The following SP6 variants were observed in gnomAD, a reference collection of about 807,000 sequenced individuals.
SP6 encodes Sp6 transcription factor, also known as transcription factor Sp6.
SP6 carries 10 observed loss-of-function variants against 23.4 expected under a neutral mutation model. The ratio of observed to expected loss-of-function variants is 0.43; its 90% confidence interval spans 0.26 to 0.72. The LOEUF (loss-of-function observed/expected upper bound fraction) is 0.72. Among genes scored for constraint, SP6 ranks in the 30% least tolerant of loss-of-function variants. SP6 has a pLI of 0.23. For synonymous variants in SP6, 238 were observed against 238.7 expected, an observed-to-expected ratio of 1.00 and a Z score of 0.03; for missense variants, 482 against 523.8, an observed-to-expected ratio of 0.92 and a Z score of 0.78.
chr17:47,847,203 T>G lies in SP6; in HGVS notation c.*96A>C. 1 of 1,269,264 alleles carries G rather than the reference T, an allele frequency of 7.9e-7. No individual in the cohort carries two copies. Among genetic ancestry groups the G allele is most frequent in the Non-Finnish European group, 1.1e-6 (1 of 945,632 alleles). 78.6% of individuals were successfully genotyped at this position (1,269,264 alleles called of 1,614,324 possible). On this transcript the variant is annotated 3_prime_UTR_variant, in exon 2 of 2. Transcript: ENST00000536300. ...CCTCCTCCCTGAATAAATACGCACCTTCCCCTCTTCCTCAAGCCACCCCCA... is the reference window on the plus strand; with the variant it reads ...CCTCCTCCCTGAATAAATACGCACCGTCCCCTCTTCCTCAAGCCACCCCCA...
chr17:47,869,285 AC>A, the SP6 span, among the ~76,000 whole-genome samples: 1 of 152,094 alleles, frequency 6.6e-6, no homozygotes, highest in Non-Finnish European at 1.5e-5. Context: ...CATCTAATTA[AC>A]CCCGCCCAGG....
the SP6 span, among the ~76,000 whole-genome samples, chr17:47,869,416 A>G: frequency 6.6e-6 from 1 of 152,140 alleles, no homozygotes; most frequent in African/African-American, 2.4e-5. Context: ...GGATCTGGGG[A>G]GTCTGGAGGT....
chr17:47,865,446 G>A, the SP6 span, among the ~76,000 whole-genome samples: 1 of 152,118 alleles, frequency 6.6e-6, no homozygotes, highest in South Asian at 2.1e-4. Flanking sequence ...AGGACCGAAA[G>A]AGCCTCTGAG....
chr17:47,861,350 C>T, the SP6 span, among the ~76,000 whole-genome samples: 1 of 152,216 alleles, frequency 6.6e-6, no homozygotes, highest in Admixed American at 6.5e-5. Context: ...ATAGTGGACA[C>T]ATTCACTTGG....
At chr17:47,853,605 T>A (rs1006528178), upstream of SP6, among the ~76,000 whole-genome samples, 14 of 152,184 alleles carry the variant, frequency 9.2e-5, no homozygotes, top group African/African-American at 2.4e-4. Flanking sequence ...CCTGGCCCCT[T>A]CTGCCTTTTC....
Position 47,848,495 on chromosome 17 carries a change from G to A in SP6, c.-57-9C>T. The A allele has an allele frequency of 7.2e-7, 1 of 1,396,044 alleles. No homozygotes were observed. The highest frequency in any genetic ancestry group is 9.5e-7 in the Non-Finnish European group (1 of 1,052,432). 86.5% of individuals were successfully genotyped at this position (1,396,044 alleles called of 1,614,324 possible). On this transcript the variant is annotated splice_polypyrimidine_tract_variant and intron_variant, in intron 1 of 1. Coordinates refer to ENST00000536300, the MANE Select transcript of SP6 (RefSeq NM_001258248.2). This position sits in a 1 kb window ranked among gnomAD's most constrained non-coding sequence, Gnocchi z 5.3. Reference sequence around the variant, plus strand: ...GGCACCTCAGACGGGACCTAAAGGAGGCGAAGAAGCAGAAAAGTAAGGGAA... The same window carrying A: ...GGCACCTCAGACGGGACCTAAAGGAAGCGAAGAAGCAGAAAAGTAAGGGAA...
At chr17:47,870,662 C>T in the SP6 span, among the ~76,000 whole-genome samples, 1 of 152,234 alleles carries the variant, frequency 6.6e-6, no homozygotes, top group Non-Finnish European at 1.5e-5. Flanking sequence ...AACTTCACCA[C>T]CCAAGCATGA....
chr17:47,871,613 GTT>G, the SP6 span, among the ~76,000 whole-genome samples: 1 of 149,250 alleles, frequency 6.7e-6, no homozygotes, highest in Non-Finnish European at 1.5e-5. Flanking sequence ...CTCTGTTTCT[GTT>G]TCTTTCTTTT....
At chr17:47,863,683 C>G in the SP6 span, among the ~76,000 whole-genome samples, 3 of 151,240 alleles carry the variant, frequency 2.0e-5, no homozygotes, top group Admixed American at 6.6e-5. Context: ...ATTCTCTTGC[C>G]TCAGCCTCCC....
At chr17:47,866,358 G>T in the SP6 span, among the ~76,000 whole-genome samples, 1 of 152,158 alleles carries the variant, frequency 6.6e-6, no homozygotes, top group Non-Finnish European at 1.5e-5. Flanking sequence ...TGTGAGGAGG[G>T]GTATGGAGTA....
the SP6 span, among the ~76,000 whole-genome samples, chr17:47,861,124 T>C: frequency 6.6e-6 from 1 of 152,190 alleles, no homozygotes; most frequent in East Asian, 1.9e-4. Context: ...CTCCCCTTTT[T>C]AATTTGCTTC....
At chr17:47,860,685 A>G (rs72833458), upstream of SP6, among the ~76,000 whole-genome samples, 40,273 of 149,380 alleles carry the variant, frequency 0.27, 5,835 homozygotes, top group Non-Finnish European at 0.31. Flanking sequence ...GCAACATAGT[A>G]AGACTCCGAC....
chr17:47,847,141 C>T lies in SP6; in HGVS notation c.*158G>A, dbSNP rs1239679513. 5 of 756,254 alleles carry T rather than the reference C, an allele frequency of 6.6e-6. No individual in the cohort carries two copies. The Admixed American group carries it at 8.9e-5, about 13-fold the overall frequency. 46.8% of individuals were successfully genotyped at this position (756,254 alleles called of 1,614,324 possible). A position where few individuals can be genotyped will look rare whatever the true frequency, so the allele number is the denominator to read the frequency against. On this transcript the variant is annotated 3_prime_UTR_variant, in exon 2 of 2. Transcript: ENST00000536300. ...CCTAGTAGCCCCAGAGACTAAGAAC[C>T]CCTAGCGCCCCATCTCCCTGTCCCT...
upstream of SP6, among the ~76,000 whole-genome samples, chr17:47,854,778 C>T (rs60224300): frequency 0.026 from 4,012 of 152,206 alleles, 164 homozygotes; most frequent in African/African-American, 0.092. Flanking sequence ...AACCAAACCC[C>T]AAAACAGGGA....
chr17:47,868,858 C>A, the SP6 span, among the ~76,000 whole-genome samples: 16 of 152,188 alleles, frequency 1.1e-4, no homozygotes, highest in Non-Finnish European at 1.3e-4. Context: ...GTGCCCTCTT[C>A]TCCGCTCTGC....
At chr17:47,856,613 T>C (rs1202032200), upstream of SP6, among the ~76,000 whole-genome samples, 4 of 152,168 alleles carry the variant, frequency 2.6e-5, no homozygotes, top group Admixed American at 6.5e-5. Context: ...AACACAAACA[T>C]GTCCCAGGGC....
rs762207130 is a variant in SP6, at chr17:47,847,996, G to A, written c.434C>T (p.Pro145Leu). The change falls in exon 2 of 2, where the codon CCG becomes CTG. Residue 145 changes from proline (P) to leucine (L), a missense_variant. By Grantham distance (98) the Pro-to-Leu change is moderately conservative. This residue lies in a region of SP6 where 330 missense variants were observed against 332.3 expected (regional missense o/e 0.99). Transcript: ENST00000536300. The stretch of plus-strand genomic sequence containing the variant: ...CCCCAAGCCCGCCTGAAGCGCCCCC[G>A]GGTGGCCAGGTGAGGTCAGCGCGCC... Reference protein sequence around the residue: ...TQGALTSPGHPGALQAGLGGY... With the variant: ...TQGALTSPGHLGALQAGLGGY... 17 of 1,599,966 alleles carry A rather than the reference G, an allele frequency of 1.1e-5. No individual in the cohort carries two copies. The Admixed American group carries it at 1.4e-4, about 13-fold the overall frequency.
chr17:47,864,023 T>TA, the SP6 span, among the ~76,000 whole-genome samples: 1 of 143,922 alleles, frequency 6.9e-6, no homozygotes, highest in East Asian at 2.0e-4. Context: ...TTTTTTTTTT[T>TA]AGTAGAGATG....
the SP6 span, among the ~76,000 whole-genome samples, chr17:47,861,708 G>T: frequency 1.3e-5 from 2 of 151,980 alleles, no homozygotes; most frequent in Non-Finnish European, 2.9e-5. Context: ...ACTCCAGCCT[G>T]GGTCTCACTC....
Sources: gnomAD v4.1 joint callset for allele counts (sites outside exome capture counted in the v4.1 genomes callset) on GRCh38, gnomAD v4.1.1 for gene constraint, gnomAD v4.1.1 regional missense constraint, Gnocchi (gnomAD v3.1) non-coding constraint, MANE v1.5 for transcripts, NCBI Gene and HGNC (gene_info 2026-07-23, HGNC 2026-07-21) for gene names.